GALM: variants seen among roughly 807,000 people sequenced by gnomAD.
The protein encoded by GALM is galactose mutarotase, also known as aldose 1-epimerase.
In GALM, 43 loss-of-function variants were observed where a neutral mutation model predicts 37.4. The observed-to-expected ratio is 1.15, with a 90% CI of 0.90 to 1.48. GALM has a LOEUF of 1.48. Ranked by LOEUF, GALM falls within the 40% of genes most tolerant of loss-of-function variation. The probability of loss-of-function intolerance (pLI) is 0.00; values close to 1 mark genes in which losing one functional copy is unlikely to be tolerated. For synonymous variants in GALM, 199 were observed against 170.6 expected (o/e 1.17, Z -1.30); for missense variants, 456 against 419.1 (o/e 1.09, Z -0.77).
At chr2:38,686,240 CTTTCTTTCTT>C (rs1665519673) in intron 3 of GALM, among the ~76,000 whole-genome samples, 1 of 92,006 alleles carries the variant, frequency 1.1e-5, no homozygotes, top group Non-Finnish European at 1.9e-5. Context: ...TTCTTTCTTT[CTTTCTTTCTT>C]TCTTTCTTTC....
chr2:38,709,788 T>G (rs1472549872), intron 4 of GALM, among the ~76,000 whole-genome samples: 2 of 152,250 alleles, frequency 1.3e-5, no homozygotes, highest in African/African-American at 4.8e-5. Flanking sequence ...ATTATCATCC[T>G]CTTTATGTTG....
At chr2:38,717,002 G>A (rs1420493919) in intron 4 of GALM, among the ~76,000 whole-genome samples, 2 of 152,216 alleles carry the variant, frequency 1.3e-5, no homozygotes, top group Non-Finnish European at 2.9e-5. Context: ...TGTAATCCCA[G>A]CACTTTGGGA....
chr2:38,718,196 C>CAT, intron 4 of GALM, among the ~76,000 whole-genome samples: 1 of 131,280 alleles, frequency 7.6e-6, no homozygotes, highest in Admixed American at 8.1e-5. Flanking sequence ...TTTTTCTTTT[C>CAT]TTTTTTTTTT....
Position 38,666,258 on chromosome 2 carries a change from A to G in GALM, c.97A>G (p.Ile33Val), listed in dbSNP as rs1045640900. 7.4e-6 allele frequency: 12 copies of G among 1,613,914 alleles called. No individual in the cohort carries two copies. The highest frequency in any genetic ancestry group is 5.3e-5 in the African/African-American group (4 of 74,940). Residue 33 changes from isoleucine to valine, a missense_variant, in exon 1 of 7, where the codon ATC becomes GTC. Physicochemically the swap from Ile to Val is conservative, Grantham distance 29. Transcript: ENST00000272252. ...QLQSDLLRVD[I>V]ISWGCTITAL... ...GCAGTCAGACCTCTTGAGAGTGGACATCATCTCCTGGGGCTGCACGATCAC... is the reference window on the plus strand; with the variant it reads ...GCAGTCAGACCTCTTGAGAGTGGACGTCATCTCCTGGGGCTGCACGATCAC...
intron 4 of GALM, among the ~76,000 whole-genome samples, chr2:38,711,021 T>C (rs1666140974): frequency 6.6e-6 from 1 of 152,170 alleles, no homozygotes; most frequent in South Asian, 2.1e-4. Context: ...CCCAAAGTGC[T>C]GGGATTACAG....
chr2:38,730,301 C>T (rs1666576279), intron 5 of GALM, among the ~76,000 whole-genome samples: 1 of 152,206 alleles, frequency 6.6e-6, no homozygotes, highest in East Asian at 1.9e-4. Flanking sequence ...GAGTCTTGCT[C>T]TGTCGCCCAG....
At chr2:38,715,628 G>C (rs1216877393) in intron 4 of GALM, among the ~76,000 whole-genome samples, 2 of 152,124 alleles carry the variant, frequency 1.3e-5, no homozygotes, top group Admixed American at 6.6e-5. Context: ...TGTAGAGACA[G>C]GGTTTTGTTG....
intron 4 of GALM, among the ~76,000 whole-genome samples, chr2:38,696,047 A>G (rs1355293607): frequency 6.6e-6 from 1 of 151,808 alleles, no homozygotes; most frequent in African/African-American, 2.4e-5. Context: ...GAGATTTCTC[A>G]TTAATTTCAC....
At chr2:38,728,671 C>A (rs1279138470) in intron 4 of GALM, among the ~76,000 whole-genome samples, 4 of 144,036 alleles carry the variant, frequency 2.8e-5, no homozygotes, top group Non-Finnish European at 6.1e-5. Flanking sequence ...GGTGACAGAG[C>A]AAGACTCCAT....
At chr2:38,698,562 C>G (rs559504565) in intron 4 of GALM, 351 of 388,978 alleles carry the variant, frequency 9.0e-4, no homozygotes, top group Non-Finnish European at 1.2e-3. Context: ...TTTGCTGCTC[C>G]ATAGGATGGG....
rs373210908 is a variant in GALM, at chr2:38,681,737, C to T, written c.552+251C>T. 2.2e-4 allele frequency among the ~76,000 whole-genome samples: 34 copies of T among 152,358 alleles called. No individual in the cohort carries two copies. In the East Asian group the frequency reaches 5.2e-3, roughly 23 times the overall value. ...GCTTCAGACAAGTAACTAGCTGTTT[C>T]AAGAACTCCCTCTCAGAATCTAATT... On this transcript the variant is annotated intron_variant, in intron 3 of 6. Coordinates refer to ENST00000272252, the MANE Select transcript of GALM (RefSeq NM_138801.3).
intron 4 of GALM, 123 bp from the exon 5 acceptor site, chr2:38,729,433 C>G (rs1379568105): frequency 4.6e-6 from 3 of 648,070 alleles, no homozygotes; most frequent in Admixed American, 3.3e-5. Flanking sequence ...GATCTGGGCT[C>G]CCATCTCCTT....
chr2:38,668,032 C>T (rs1251323486), intron 1 of GALM, among the ~76,000 whole-genome samples: 2 of 152,162 alleles, frequency 1.3e-5, no homozygotes, highest in Non-Finnish European at 2.9e-5. Flanking sequence ...ACAGATCTTA[C>T]CCTTTTGGTC....
At chr2:38,732,315 C>T (rs1009471541) in intron 6 of GALM, among the ~76,000 whole-genome samples, 2 of 152,182 alleles carry the variant, frequency 1.3e-5, no homozygotes, top group African/African-American at 4.8e-5. Context: ...GCCTTGGCCT[C>T]CCAAAGTGCT....
chr2:38,682,541 A>G (rs538062144), intron 3 of GALM, among the ~76,000 whole-genome samples: 1 of 152,308 alleles, frequency 6.6e-6, no homozygotes, highest in Non-Finnish European at 1.5e-5. Context: ...CTCCCTTTAA[A>G]AAAGTTGACC....
At position 38,676,034 on chromosome 2, in the gene GALM, A is replaced by T. The variant is rs758299865; in HGVS notation, c.313A>T (p.Ser105Cys). 6.2e-7 allele frequency: 1 copy of T among 1,614,076 alleles called. No homozygotes were observed. Among genetic ancestry groups the T allele is most frequent in the Non-Finnish European group, 8.5e-7 (1 of 1,180,018 alleles). ...YHLAINKEPN[S>C]LHGGVRGFDK... ...CCTGGCCATTAACAAGGAACCCAAC[A>T]GTCTGCATGGAGGAGTCAGAGGGTT... The change falls in exon 2 of 7, where the codon AGT (serine) becomes TGT (cysteine). Residue 105 changes from serine to cysteine, a missense_variant. By Grantham distance (112) the Ser-to-Cys change is moderately radical. Transcript: ENST00000272252.
intron 2 of GALM, among the ~76,000 whole-genome samples, chr2:38,676,728 ACTCCAGC>A (rs1665268824): frequency 1.3e-5 from 2 of 152,148 alleles, no homozygotes. Context: ...ACGCCACTGC[ACTCCAGC>A]CTGGGCAACA....
At chr2:38,721,582 T>C (rs569016405) in intron 4 of GALM, among the ~76,000 whole-genome samples, 77 of 152,306 alleles carry the variant, frequency 5.1e-4, no homozygotes, top group African/African-American at 1.8e-3. Context: ...GGCATGATCA[T>C]GGCTCCCTGC....
At chr2:38,707,325 A>G (rs1041086241) in intron 4 of GALM, among the ~76,000 whole-genome samples, 2 of 152,152 alleles carry the variant, frequency 1.3e-5, no homozygotes, top group Non-Finnish European at 2.9e-5. Context: ...TCATAGACTG[A>G]GGAGAGCAGT....
Sources: gnomAD v4.1 joint callset for allele counts (sites outside exome capture counted in the v4.1 genomes callset) on GRCh38, gnomAD v4.1.1 for gene constraint, MANE v1.5 for transcripts, NCBI Gene and HGNC (gene_info 2026-07-23, HGNC 2026-07-21) for gene names.